INTS1: variants seen among roughly 807,000 people sequenced by gnomAD.
The protein encoded by INTS1 is integrator complex subunit 1.
A neutral mutation model predicts 241.6 loss-of-function variants in INTS1; 137 were observed. The ratio of observed to expected loss-of-function variants is 0.57; its 90% CI spans 0.49 to 0.65. The LOEUF is 0.65. Among genes scored for constraint, INTS1 ranks in the 30% least tolerant of loss-of-function variants. The pLI is 0.00. For missense variants in INTS1, 3,073 were observed against 3,032.2 expected (o/e 1.01, Z -0.32); for synonymous variants, 1,692 against 1,337.8 (o/e 1.26, Z -5.78).
At position 1,475,916 on chromosome 7, in the gene INTS1, G is replaced by A. The variant is rs541490073; in HGVS notation, c.5502+32C>T. 4.2e-5 allele frequency: 64 copies of A among 1,523,230 alleles called. No individual in the cohort carries two copies. In the African/African-American group the frequency reaches 7.4e-4, roughly 18 times the overall value. 94.4% of individuals were successfully genotyped at this position (1,523,230 alleles called of 1,614,324 possible). A position where few individuals can be genotyped will look rare whatever the true frequency, so the allele number is the denominator to read the frequency against. ...CCTGCCCGGCCAGGGCACCTGGGAC[G>A]GCGGCGGGGAGCGGCAGAGTTGCGC... On this transcript the variant is annotated intron_variant, in intron 39 of 47. Transcript: ENST00000404767.
chr7:1,502,064 G>GGCAAGGCCACAGCCC (rs1465434819), intron 3 of INTS1, among the ~76,000 whole-genome samples: 2 of 152,132 alleles, frequency 1.3e-5, no homozygotes, highest in Non-Finnish European at 2.9e-5. Context: ...CCTCCCTGAG[G>GGCAAGGCCACAGCCC]GCAAGGCCAC....
At chr7:1,478,651 C>T in intron 32 of INTS1, 75 bp downstream of exon 32, 3 of 1,489,382 alleles carry the variant, frequency 2.0e-6, no homozygotes, top group Non-Finnish European at 2.7e-6. Flanking sequence ...CTCGGGGTGC[C>T]AGGCAGCTTG....
At chr7:1,491,259 C>T (rs889564042) in intron 16 of INTS1, among the ~76,000 whole-genome samples, 7 of 152,352 alleles carry the variant, frequency 4.6e-5, no homozygotes, top group East Asian at 1.9e-4. Flanking sequence ...GTGCTGCCCA[C>T]GTGGGTCCAC....
chr7:1,503,318 A>G, intron 2 of INTS1, 127 bp from the exon 3 acceptor site: 1 of 974,680 alleles, frequency 1.0e-6, no homozygotes, highest in East Asian at 2.6e-5. Flanking sequence ...AAGAAGCCAG[A>G]GCTCACTCAG....
In INTS1 at chr7:1,481,505, T is replaced by G; in HGVS notation, c.3704-17A>C. Reference sequence around the variant, plus strand: ...CCTGCAGGGCTGAGGGTGCACGCGCTCCGTAACGCCACCCAAAACCCGGGC... The same window carrying G: ...CCTGCAGGGCTGAGGGTGCACGCGCGCCGTAACGCCACCCAAAACCCGGGC... On this transcript the variant is annotated splice_polypyrimidine_tract_variant and intron_variant, in intron 27 of 47. Transcript: ENST00000404767. The surrounding 1 kb of genome is among the most constrained non-coding windows in gnomAD (Gnocchi z 6.8). 1 of 1,591,818 alleles carries G rather than the reference T, an allele frequency of 6.3e-7. No individual in the cohort carries two copies. Among genetic ancestry groups the G allele is most frequent in the East Asian group, 2.2e-5 (1 of 44,452 alleles).
intron 13 of INTS1, 106 bp downstream of exon 13, chr7:1,495,327 G>T: frequency 7.5e-7 from 1 of 1,327,052 alleles, no homozygotes; most frequent in Non-Finnish European, 1.0e-6. Flanking sequence ...TGCGGGGCCT[G>T]GCTTGTCCTG....
At chr7:1,476,496 T>C in intron 37 of INTS1, 41 bp from the exon 38 acceptor site, 10 of 1,597,544 alleles carry the variant, frequency 6.3e-6, no homozygotes, top group Non-Finnish European at 8.5e-6. Flanking sequence ...CACCACCGCC[T>C]CTCCCGGATG....
intron 8 of INTS1, 28 bp from the exon 9 acceptor site, chr7:1,498,880 C>T: frequency 4.4e-6 from 7 of 1,575,426 alleles, no homozygotes; most frequent in Non-Finnish European, 6.0e-6. Flanking sequence ...GAGCAGTGGG[C>T]TCACGGCCAC....
chr7:1,498,930 G>GCCCCCCCCCCCCCCCCCCCCCCC, intron 8 of INTS1, 45 bp downstream of exon 8: 2 of 1,460,188 alleles, frequency 1.4e-6, no homozygotes, highest in Non-Finnish European at 9.3e-7. Context: ...CACAGAGCCT[G>GCCCCCCCCCCCCCCCCCCCCCCC]CCCCCACCCC....
intron 12 of INTS1, 113 bp from the exon 13 acceptor site, chr7:1,495,666 C>A: frequency 7.4e-7 from 1 of 1,360,064 alleles, no homozygotes. Context: ...ACTCAGGGCA[C>A]CCCCAGCTTC....
In INTS1 at chr7:1,476,665, G is replaced by A; in HGVS notation, c.5064-8C>T. 1.2e-6 allele frequency: 2 copies of A among 1,612,542 alleles called. No individual in the cohort carries two copies. The highest frequency in any genetic ancestry group is 1.7e-6 in the Non-Finnish European group (2 of 1,179,732). ...GAGGCAGAGGGGTCGAACCTGTGGG[G>A]AGGCAAAGGTTCCAGAGCACGAGGT... is the stretch of plus-strand genomic sequence containing the variant. On this transcript the variant is annotated splice_region_variant and splice_polypyrimidine_tract_variant and intron_variant, in intron 36 of 47. Coordinates refer to ENST00000404767, the MANE Select transcript of INTS1 (RefSeq NM_001080453.3).
chr7:1,495,870 C>A (rs543537121), intron 12 of INTS1, among the ~76,000 whole-genome samples: 55 of 152,358 alleles, frequency 3.6e-4, no homozygotes, highest in African/African-American at 1.2e-3. Flanking sequence ...CTCCCCACTC[C>A]CGCCCGTGGC....
Position 1,498,469 on chromosome 7 carries a change from C to T in INTS1, c.1368G>A (p.Pro456=), listed in dbSNP as rs200944388. 8.1e-6 allele frequency: 13 copies of T among 1,613,908 alleles called. No homozygotes were observed. The highest frequency in any genetic ancestry group is 2.2e-5 in the South Asian group (2 of 91,068). Residue 456 remains proline, a synonymous_variant, in exon 10 of 48, where the codon CCG becomes CCA. Transcript: ENST00000404767. ...IFNELSSARN[P]NNMQVLYTAL... ...CGGTATAGAGGACCTGCATGTTGTT[C>T]GGGTTCCGGGCGCTGGAGAGCTCAT...
intron 29 of INTS1, 123 bp from the exon 30 acceptor site, chr7:1,480,564 T>C: frequency 2.7e-6 from 3 of 1,131,576 alleles, no homozygotes; most frequent in Non-Finnish European, 3.7e-6. Flanking sequence ...AGCTCAGACC[T>C]GGGCTCTGTG....
At position 1,474,273 on chromosome 7, in the gene INTS1, G is replaced by T; in HGVS notation, c.5724C>A (p.Phe1908Leu). 1 of 1,608,474 alleles carries T rather than the reference G, an allele frequency of 6.2e-7. No individual in the cohort carries two copies. Residue 1908 changes from phenylalanine (F) to leucine (L), a missense_variant, in exon 41 of 48, where the codon TTC becomes TTA. Physicochemically the swap from Phe to Leu is conservative, Grantham distance 22 (BLOSUM62 0). Coordinates refer to ENST00000404767, the MANE Select transcript of INTS1 (RefSeq NM_001080453.3). ...EFRQQNHLSC[F>L]LHVLGLLELL... is the part of the protein sequence containing the mutation. The stretch of plus-strand genomic sequence containing the variant: ...GCTCCAGCAGGCCCAGCACGTGCAG[G>T]AAGCAGCTCAGGTGGTTCTGCTGCC...
At chr7:1,495,375 C>T (rs991337049) in intron 13 of INTS1, 58 bp downstream of exon 13, 56 of 1,557,982 alleles carry the variant, frequency 3.6e-5, no homozygotes, top group East Asian at 9.1e-5. Flanking sequence ...TGCGGGGCCC[C>T]GGCTTGTCCC....
In INTS1 at chr7:1,493,175, C is replaced by T; in HGVS notation, c.2069-69G>A. On this transcript the variant is annotated intron_variant, in intron 15 of 47. Coordinates refer to ENST00000404767, the MANE Select transcript of INTS1 (RefSeq NM_001080453.3). This position sits in a 1 kb window ranked among gnomAD's most constrained non-coding sequence, Gnocchi z 5.3. ...CCATCAGGCACAGGCAGCGAGGGAA[C>T]CGGCCCTGCTCGGGCCGCGTCGGGG... 2.2e-6 allele frequency: 3 copies of T among 1,370,452 alleles called. No homozygotes were observed. The highest frequency in any genetic ancestry group is 1.2e-5 in the South Asian group (1 of 84,456). 84.9% of individuals were successfully genotyped at this position (1,370,452 alleles called of 1,614,324 possible).
At position 1,496,157 on chromosome 7, in the gene INTS1, C is replaced by T. The variant is rs1425081587; in HGVS notation, c.1710G>A (p.Arg570=). The change falls in exon 12 of 48, where the codon AGG becomes AGA. Residue 570 remains arginine (R), a splice_region_variant and synonymous_variant. Coordinates refer to ENST00000404767, the MANE Select transcript of INTS1 (RefSeq NM_001080453.3). ...AGIAWDKGEK[R]NLEVLRSFQN... is the part of the protein sequence containing the mutation. The stretch of plus-strand genomic sequence containing the variant: ...GCCAGGCCACCCCCACATCCTTACT[C>T]CTCTTTTCTCCTTTGTCCCAGGCGA... 1 of 1,613,236 alleles carries T rather than the reference C, an allele frequency of 6.2e-7. No homozygotes were observed. The highest frequency in any genetic ancestry group is 8.5e-7 in the Non-Finnish European group (1 of 1,179,282).
chr7:1,474,154 G>T lies in INTS1; in HGVS notation c.5829+14C>A. The T allele has an allele frequency of 1.3e-6, 2 of 1,545,900 alleles. No homozygotes were observed. Among genetic ancestry groups the T allele is most frequent in the South Asian group, 1.2e-5 (1 of 83,488 alleles). On this transcript the variant is annotated intron_variant, in intron 41 of 47. Transcript: ENST00000404767. ...GTGGAAGGGAGCGCGAGGGCGGGCG[G>T]CGGGAGCACACACCAGCAGCAGGCG...
Sources: allele counts gnomAD v4.1 joint callset (sites outside exome capture counted in the v4.1 genomes callset), GRCh38; gene constraint gnomAD v4.1.1; non-coding constraint Gnocchi (gnomAD v3.1); transcripts MANE v1.5; gene names NCBI Gene and HGNC (gene_info 2026-07-23, HGNC 2026-07-21).